MS4A10: variants seen among roughly 807,000 people sequenced by gnomAD.
MS4A10 encodes membrane spanning 4-domains A10.
In MS4A10, 27 loss-of-function variants were observed where a neutral mutation model predicts 27.7. The ratio of observed to expected loss-of-function variants is 0.98; its 90% CI spans 0.72 to 1.35. MS4A10 has a LOEUF of 1.35. MS4A10 is among the 40% of genes most tolerant of loss of function. The pLI is 0.00. For missense variants in MS4A10, 338 were observed against 324.7 expected (o/e 1.04, Z -0.32); for synonymous variants, 139 against 131.2 (o/e 1.06, Z -0.41).
At chr11:60,793,227 C>A (rs1050366343) in intron 4 of MS4A10, among the ~76,000 whole-genome samples, 12 of 152,336 alleles carry the variant, frequency 7.9e-5, no homozygotes, top group African/African-American at 2.6e-4. Context: ...GTTTACCCAG[C>A]AGAGGCAGGA....
At chr11:60,799,621 A>C (rs991275939) in intron 7 of MS4A10, among the ~76,000 whole-genome samples, 2 of 152,110 alleles carry the variant, frequency 1.3e-5, no homozygotes, top group Non-Finnish European at 2.9e-5. Flanking sequence ...CAGACACCCC[A>C]GGGACACCCC....
intron 6 of MS4A10, among the ~76,000 whole-genome samples, chr11:60,798,143 T>C (rs1434156151): frequency 6.6e-6 from 1 of 152,220 alleles, no homozygotes; most frequent in Non-Finnish European, 1.5e-5. Context: ...ACCAGGACAC[T>C]GGTAGCGGGA....
chr11:60,795,908 C>A (rs1335754544), intron 6 of MS4A10, among the ~76,000 whole-genome samples: 2 of 152,044 alleles, frequency 1.3e-5, no homozygotes, highest in East Asian at 1.9e-4. Flanking sequence ...CCATGGGTGC[C>A]CAGAACAAGA....
At chr11:60,799,115 G>A (rs1854586067) in intron 7 of MS4A10, among the ~76,000 whole-genome samples, 1 of 152,280 alleles carries the variant, frequency 6.6e-6, no homozygotes, top group East Asian at 1.9e-4. Context: ...TTGCCCTCCT[G>A]GACCTCAGTG....
chr11:60,788,959 AAC>A (rs1854382068), intron 1 of MS4A10, among the ~76,000 whole-genome samples: 1 of 152,188 alleles, frequency 6.6e-6, no homozygotes, highest in Non-Finnish European at 1.5e-5. Flanking sequence ...TGCCAGGCAA[AAC>A]TGCCTCCTGG....
At chr11:60,795,420 G>A (rs191170802) in intron 5 of MS4A10, 135 bp from the exon 6 acceptor site, 171 of 457,268 alleles carry the variant, frequency 3.7e-4, no homozygotes, top group Middle Eastern at 5.9e-4. Flanking sequence ...CCTTCCCCAC[G>A]CACACCTGGG....
At position 60,791,057 on chromosome 11, in the gene MS4A10, G is replaced by A; in HGVS notation, c.267G>A (p.Val89=). 1 of 1,614,166 alleles carries A rather than the reference G, an allele frequency of 6.2e-7. No homozygotes were observed. Among genetic ancestry groups the A allele is most frequent in the Non-Finnish European group, 8.5e-7 (1 of 1,180,018 alleles). ...ASIVKNLHLV[V]LKSWYPFWGA... is the part of the protein sequence containing the mutation. The stretch of plus-strand genomic sequence containing the variant: ...TAGTCAAGAACCTTCACCTGGTGGT[G>A]CTGAAGTCTTGGTATCCATTCTGGG... The change falls in exon 3 of 8, where the codon GTG becomes GTA. Residue 89 remains valine (V), a synonymous_variant. Coordinates refer to ENST00000308287, the MANE Select transcript of MS4A10 (RefSeq NM_206893.4).
chr11:60,799,135 G>A (rs1286179526), intron 7 of MS4A10, among the ~76,000 whole-genome samples: 1 of 152,186 alleles, frequency 6.6e-6, no homozygotes, highest in African/African-American at 2.4e-5. Flanking sequence ...GTCTCCATCT[G>A]TAAAGTGGAG....
chr11:60,791,388 G>A (rs530897706), intron 3 of MS4A10, among the ~76,000 whole-genome samples: 66 of 152,230 alleles, frequency 4.3e-4, no homozygotes, highest in Non-Finnish European at 7.8e-4. Context: ...GTAAGACCCA[G>A]GGACAGCTTC....
intron 1 of MS4A10, among the ~76,000 whole-genome samples, chr11:60,787,258 CCAAA>C (rs1854355966): frequency 6.6e-6 from 1 of 152,158 alleles, no homozygotes; most frequent in Non-Finnish European, 1.5e-5. Flanking sequence ...CCTTTATGCA[CCAAA>C]CAGCCTGCTG....
intron 1 of MS4A10, among the ~76,000 whole-genome samples, chr11:60,789,388 C>T (rs1854389753): frequency 6.6e-6 from 1 of 152,244 alleles, no homozygotes; most frequent in Non-Finnish European, 1.5e-5. Flanking sequence ...CACCAAGTCC[C>T]AGGCAGCCCC....
At chr11:60,795,510 A>C in intron 5 of MS4A10, 45 bp from the exon 6 acceptor site, 1 of 1,341,568 alleles carries the variant, frequency 7.5e-7, no homozygotes. Context: ...GCGTGCAGAC[A>C]CCCAGCGAGG....
chr11:60,798,487 G>A lies in MS4A10; in HGVS notation c.695G>A (p.Gly232Asp), dbSNP rs200465197. 19 of 1,614,096 alleles carry A rather than the reference G, an allele frequency of 1.2e-5. No individual in the cohort carries two copies. The highest frequency in any genetic ancestry group is 5.0e-5 in the Admixed American group (3 of 60,024). ...CCATCCTACCAGAGTGTGATTCAAG[G>A]CGACGCACAACACAAGCAACATCAG... ...PPPSYQSVIQ[G>D]DAQHKQHQRL... Residue 232 changes from glycine to aspartate, a missense_variant, in exon 7 of 8, where the codon GGC (glycine) becomes GAC (aspartate). Transcript: ENST00000308287.
At chr11:60,799,504 C>T (rs1174085760) in intron 7 of MS4A10, among the ~76,000 whole-genome samples, 1 of 152,128 alleles carries the variant, frequency 6.6e-6, no homozygotes, top group Non-Finnish European at 1.5e-5. Context: ...AAATAACAAA[C>T]ATGTGAAATA....
rs752750576 is a variant in MS4A10 at position 60,792,334 on chromosome 11, A to C, written c.360+13A>C. ...TAAAACTTACCTGGTGAGTGGGCACACTGAGATCATTCTCTTCCATCTGAG... is the reference window on the plus strand; with the variant it reads ...TAAAACTTACCTGGTGAGTGGGCACCCTGAGATCATTCTCTTCCATCTGAG... On this transcript the variant is annotated intron_variant, in intron 4 of 7. Transcript: ENST00000308287. 2 of 1,568,490 alleles carry C rather than the reference A, an allele frequency of 1.3e-6. No individual in the cohort carries two copies. The highest frequency in any genetic ancestry group is 2.2e-5 in the South Asian group (2 of 90,118).
intron 6 of MS4A10, among the ~76,000 whole-genome samples, chr11:60,795,931 G>T (rs560195359): frequency 1.2e-4 from 19 of 152,182 alleles, no homozygotes; most frequent in Non-Finnish European, 2.1e-4. Context: ...CTACTGTGCT[G>T]CCAGCTCTGA....
At chr11:60,794,268 G>T (rs1218799641) in intron 5 of MS4A10, among the ~76,000 whole-genome samples, 165 bp downstream of exon 5, 1 of 152,220 alleles carries the variant, frequency 6.6e-6, no homozygotes, top group Non-Finnish European at 1.5e-5. Context: ...GTGGTGGAAA[G>T]GTGGGTGCTG....
chr11:60,790,180 A>G (rs1854404666), intron 1 of MS4A10, 134 bp from the exon 2 acceptor site: 1 of 698,018 alleles, frequency 1.4e-6, no homozygotes, highest in Non-Finnish European at 2.4e-6. Context: ...GACCAAGACC[A>G]GGGGCTGCCA....
intron 1 of MS4A10, among the ~76,000 whole-genome samples, chr11:60,787,743 C>A (rs889395963): frequency 6.6e-6 from 1 of 152,146 alleles, no homozygotes; most frequent in African/African-American, 2.4e-5. Flanking sequence ...GCCAGCCGGG[C>A]GCAGTGGCTC....
Sources: gnomAD v4.1 joint callset for allele counts (sites outside exome capture counted in the v4.1 genomes callset) on GRCh38, gnomAD v4.1.1 for gene constraint, MANE v1.5 for transcripts, NCBI Gene and HGNC (gene_info 2026-07-23, HGNC 2026-07-21) for gene names.